CXCL1: variants seen among roughly 807,000 people sequenced by gnomAD.
The protein encoded by CXCL1 is growth-regulated alpha protein.
A neutral mutation model predicts 11.7 loss-of-function variants in CXCL1; 9 were observed. The observed-to-expected ratio is 0.77, with a 90% CI of 0.46 to 1.34. The LOEUF (loss-of-function observed/expected upper bound fraction) is 1.34. Ranked by LOEUF, CXCL1 falls within the 40% of genes most tolerant of loss-of-function variation. CXCL1 has a pLI of 0.00. For missense variants in CXCL1, 146 were observed against 138.1 expected, an observed-to-expected ratio of 1.06 and a Z score of -0.29; for synonymous variants, 78 against 59.1, an observed-to-expected ratio of 1.32 and a Z score of -1.47.
chr4:73,869,412 C>T lies in CXCL1; in HGVS notation c.-59C>T. ...AGAGCCACAGAGCCCGGGCCGCAGG[C>T]ACCTCCTCGCCAGCTCTTCCGCTCC... On this transcript the variant is annotated 5_prime_UTR_variant, in exon 1 of 4. Transcript: ENST00000395761. 1 of 1,523,340 alleles carries T rather than the reference C, an allele frequency of 6.6e-7. No individual in the cohort carries two copies. The allele number at this position is 1,523,340 out of a possible 1,614,324, so 94.4% of individuals were successfully genotyped here.
In CXCL1 at chr4:73,869,573, G is replaced by T; in HGVS notation, c.100+3G>T. On this transcript the variant is annotated splice_donor_region_variant and intron_variant, in intron 1 of 3. Coordinates refer to ENST00000395761, the MANE Select transcript of CXCL1 (RefSeq NM_001511.4). ...AGCCGCTGGCCGGCGCGCAGCAGGT[G>T]GGTACCGGCGCCCTGGGGTCCCCGG... is the stretch of plus-strand genomic sequence containing the variant. The T allele has an allele frequency of 6.2e-7, 1 of 1,611,946 alleles. No individual in the cohort carries two copies. Among genetic ancestry groups the T allele is most frequent in the Non-Finnish European group, 8.5e-7 (1 of 1,179,066 alleles).
chr4:73,869,669 G>A lies in CXCL1; in HGVS notation c.101G>A (p.Gly34Glu). ...LLVAAGRRAA[G>E]ASVATELRCQ... Reference sequence around the variant, plus strand: ...AGTCAGTGAGTCTCTTCTTCCCTAGGAGCGTCCGTGGCCACTGAACTGCGC... The same window carrying A: ...AGTCAGTGAGTCTCTTCTTCCCTAGAAGCGTCCGTGGCCACTGAACTGCGC... The change falls in exon 2 of 4, where the codon GGA (glycine) becomes GAA (glutamate). Residue 34 changes from glycine (G) to glutamate (E), a missense_variant and splice_region_variant. By Grantham distance (98) the Gly-to-Glu change is moderately conservative (BLOSUM62 -2). Coordinates refer to ENST00000395761, the MANE Select transcript of CXCL1 (RefSeq NM_001511.4). 1 of 1,614,150 alleles carries A rather than the reference G, an allele frequency of 6.2e-7. No homozygotes were observed. Among genetic ancestry groups the A allele is most frequent in the South Asian group, 1.1e-5 (1 of 91,084 alleles).
chr4:73,869,532 T>C lies in CXCL1; in HGVS notation c.62T>C (p.Leu21Pro), dbSNP rs780555004. The C allele has an allele frequency of 3.7e-6, 6 of 1,605,760 alleles. No homozygotes were observed. In the South Asian group the frequency reaches 6.6e-5, roughly 18 times the overall value. ...CCCCGGCTCCTGCGAGTGGCACTGCTGCTCCTGCTCCTGGTAGCCGCTGGC... is the reference window on the plus strand; with the variant it reads ...CCCCGGCTCCTGCGAGTGGCACTGCCGCTCCTGCTCCTGGTAGCCGCTGGC... Reference protein sequence around the residue: ...SNPRLLRVALLLLLLVAAGRR... With the variant: ...SNPRLLRVALPLLLLVAAGRR... The change falls in exon 1 of 4, where the codon CTG becomes CCG. Residue 21 changes from leucine to proline, a missense_variant. Transcript: ENST00000395761.
intron 3 of CXCL1, chr4:73,870,317 C>T: frequency 1.7e-6 from 1 of 573,688 alleles, no homozygotes. Context: ...ACCGCCCCAC[C>T]CCACCCCCAT....
In CXCL1 at chr4:73,870,618, A is replaced by G; in HGVS notation, c.*82A>G. ...TAGGAACAGAAGAGGAAAGAGAGAC[A>G]CAGCTGCAGAGGCCACCTGGATTGT... On this transcript the variant is annotated 3_prime_UTR_variant, in exon 4 of 4. Coordinates refer to ENST00000395761, the MANE Select transcript of CXCL1 (RefSeq NM_001511.4). 4.5e-6 allele frequency: 7 copies of G among 1,568,730 alleles called. No homozygotes were observed. Among genetic ancestry groups the G allele is most frequent in the Non-Finnish European group, 6.1e-6 (7 of 1,145,530 alleles).
rs758632016 is a variant in CXCL1, at chr4:73,870,555, C to A, written c.*19C>A. 1.6e-5 allele frequency: 26 copies of A among 1,613,646 alleles called. No homozygotes were observed. In the Middle Eastern group the frequency reaches 1.2e-3, roughly 72 times the overall value. On this transcript the variant is annotated 3_prime_UTR_variant, in exon 4 of 4. Coordinates refer to ENST00000395761, the MANE Select transcript of CXCL1 (RefSeq NM_001511.4). The stretch of plus-strand genomic sequence containing the variant: ...CAACTGACCAGAAGGGAGGAGGAAG[C>A]TCACTGGTGGCTGTTCCTGAAGGAG...
chr4:73,870,172 C>T, intron 3 of CXCL1, 183 bp downstream of exon 3: 3 of 700,188 alleles, frequency 4.3e-6, no homozygotes, highest in Non-Finnish European at 7.1e-6. Context: ...AGAGGATATT[C>T]CCAATGCCTG....
chr4:73,869,559 G>T lies in CXCL1; in HGVS notation c.89G>T (p.Arg30Leu). 1 of 1,610,304 alleles carries T rather than the reference G, an allele frequency of 6.2e-7. No individual in the cohort carries two copies. The highest frequency in any genetic ancestry group is 8.5e-7 in the Non-Finnish European group (1 of 1,178,272). Residue 30 changes from arginine to leucine, a missense_variant, in exon 1 of 4, where the codon CGG (arginine) becomes CTG (leucine). Arg to Leu is a moderately radical substitution (Grantham distance 102). Transcript: ENST00000395761. Reference sequence around the variant, plus strand: ...CTCCTGCTCCTGGTAGCCGCTGGCCGGCGCGCAGCAGGTGGGTACCGGCGC... The same window carrying T: ...CTCCTGCTCCTGGTAGCCGCTGGCCTGCGCGCAGCAGGTGGGTACCGGCGC... ...LLLLLLVAAG[R>L]RAAGASVATE...
chr4:73,870,402 C>T, intron 3 of CXCL1, 119 bp from the exon 4 acceptor site: 2 of 1,267,778 alleles, frequency 1.6e-6, no homozygotes, highest in African/African-American at 1.5e-5. Flanking sequence ...CACTTGGTTG[C>T]CAGGCTGGGG....
rs548620036 is a variant in CXCL1, at chr4:73,869,562, G to A, written c.92G>A (p.Arg31His). The change falls in exon 1 of 4, where the codon CGC becomes CAC. Residue 31 changes from arginine to histidine, a missense_variant. Coordinates refer to ENST00000395761, the MANE Select transcript of CXCL1 (RefSeq NM_001511.4). Reference protein sequence around the residue: ...LLLLLVAAGRRAAGASVATEL... With the variant: ...LLLLLVAAGRHAAGASVATEL... The stretch of plus-strand genomic sequence containing the variant: ...CTGCTCCTGGTAGCCGCTGGCCGGC[G>A]CGCAGCAGGTGGGTACCGGCGCCCT... 15 of 1,610,544 alleles carry A rather than the reference G, an allele frequency of 9.3e-6. No individual in the cohort carries two copies. In the African/African-American group the frequency reaches 1.9e-4, roughly 20 times the overall value.
Position 73,869,515 on chromosome 4 carries a change from C to G in CXCL1, c.45C>G (p.Leu15=). Residue 15 remains leucine, a synonymous_variant, in exon 1 of 4, where the codon CTC becomes CTG. Coordinates refer to ENST00000395761, the MANE Select transcript of CXCL1 (RefSeq NM_001511.4). ...ALSAAPSNPR[L]LRVALLLLLL... Reference sequence around the variant, plus strand: ...CCGCCGCCCCCAGCAATCCCCGGCTCCTGCGAGTGGCACTGCTGCTCCTGC... The same window carrying G: ...CCGCCGCCCCCAGCAATCCCCGGCTGCTGCGAGTGGCACTGCTGCTCCTGC... 10 of 1,597,930 alleles carry G rather than the reference C, an allele frequency of 6.3e-6. No homozygotes were observed. The highest frequency in any genetic ancestry group is 8.5e-6 in the Non-Finnish European group (10 of 1,172,244).
chr4:73,870,567 T>C lies in CXCL1; in HGVS notation c.*31T>C. 1 of 1,613,616 alleles carries C rather than the reference T, an allele frequency of 6.2e-7. No homozygotes were observed. The highest frequency in any genetic ancestry group is 8.5e-7 in the Non-Finnish European group (1 of 1,179,736). ...AGGGAGGAGGAAGCTCACTGGTGGCTGTTCCTGAAGGAGGCCCTGCCCTTA... is the reference window on the plus strand; with the variant it reads ...AGGGAGGAGGAAGCTCACTGGTGGCCGTTCCTGAAGGAGGCCCTGCCCTTA... On this transcript the variant is annotated 3_prime_UTR_variant, in exon 4 of 4. Coordinates refer to ENST00000395761, the MANE Select transcript of CXCL1 (RefSeq NM_001511.4).
intron 3 of CXCL1, 200 bp downstream of exon 3, chr4:73,870,189 C>T: frequency 3.0e-6 from 2 of 659,140 alleles, no homozygotes; most frequent in South Asian, 3.9e-5. Context: ...CCTGGCGTCC[C>T]CACCCTGGTT....
At chr4:73,869,640 G>T (rs770388430) in intron 1 of CXCL1, 29 bp from the exon 2 acceptor site, 2 of 1,614,004 alleles carry the variant, frequency 1.2e-6, no homozygotes, top group Non-Finnish European at 1.7e-6. Flanking sequence ...CGACAGCCTC[G>T]CTCAGTCAGT....
chr4:73,869,603 G>A (rs1371955223), intron 1 of CXCL1, 33 bp downstream of exon 1: 1 of 1,612,882 alleles, frequency 6.2e-7, no homozygotes, highest in Non-Finnish European at 8.5e-7. Context: ...CCCCGGGCCG[G>A]ACGCGGCTGG....
At chr4:73,870,212 C>A in intron 3 of CXCL1, 1 of 635,410 alleles carries the variant, frequency 1.6e-6, no homozygotes, top group Non-Finnish European at 2.7e-6. Flanking sequence ...TCCTTCGTTC[C>A]AATGAATGTA....
Position 73,869,654 on chromosome 4 carries a change from T to G in CXCL1, c.101-15T>G. ...CCGACAGCCTCGCTCAGTCAGTGAG[T>G]CTCTTCTTCCCTAGGAGCGTCCGTG... On this transcript the variant is annotated splice_polypyrimidine_tract_variant and intron_variant, in intron 1 of 3. Transcript: ENST00000395761. 6.2e-7 allele frequency: 1 copy of G among 1,613,866 alleles called. No homozygotes were observed. Among genetic ancestry groups the G allele is most frequent in the Non-Finnish European group, 8.5e-7 (1 of 1,179,942 alleles).
At chr4:73,870,103 A>G (rs1731913967) in intron 3 of CXCL1, 114 bp downstream of exon 3, 2 of 1,001,712 alleles carry the variant, frequency 2.0e-6, no homozygotes, top group Admixed American at 4.8e-5. Context: ...AGGACTAGAA[A>G]TTGGGATTAT....
At chr4:73,869,829 G>C in intron 2 of CXCL1, 37 bp downstream of exon 2, 2 of 1,613,450 alleles carry the variant, frequency 1.2e-6, no homozygotes, top group Non-Finnish European at 1.7e-6. Context: ...CCACCGCCGG[G>C]GTCCCAGACC....
Sources: gnomAD v4.1 joint callset for allele counts on GRCh38, gnomAD v4.1.1 for gene constraint, MANE v1.5 for transcripts, NCBI Gene and HGNC (gene_info 2026-07-23, HGNC 2026-07-21) for gene names.